ARHGAP31: variants seen among roughly 807,000 people sequenced by gnomAD.
The protein encoded by ARHGAP31 is Rho GTPase activating protein 31, also known as rho GTPase-activating protein 31.
In ARHGAP31, 34 loss-of-function variants were observed where a neutral mutation model predicts 113.9. The observed-to-expected ratio is 0.30, with a 90% CI of 0.23 to 0.40. The LOEUF (loss-of-function observed/expected upper bound fraction) is 0.40, where lower values mean the gene tolerates loss of function less well. Ranked by LOEUF, ARHGAP31 falls within the 10% of genes least tolerant of loss-of-function variation. The probability of loss-of-function intolerance (pLI) is 1.00; values close to 1 mark genes in which losing one functional copy is unlikely to be tolerated. For synonymous variants in ARHGAP31, 650 were observed against 684.8 expected (o/e 0.95, Z 0.79); for missense variants, 1,548 against 1,767.1 (o/e 0.88, Z 2.22).
chr3:119,318,114 A>G (rs954657933), intron 1 of ARHGAP31, among the ~76,000 whole-genome samples: 3 of 151,386 alleles, frequency 2.0e-5, no homozygotes, highest in Non-Finnish European at 2.9e-5. Context: ...AAAAAAAAAA[A>G]TTTTCATTAG....
chr3:119,356,622 C>T (rs1449092206), intron 1 of ARHGAP31, among the ~76,000 whole-genome samples: 1 of 150,090 alleles, frequency 6.7e-6, no homozygotes, highest in African/African-American at 2.5e-5. Context: ...CAGAGTAAGA[C>T]TCTGTCTCAA....
intron 1 of ARHGAP31, among the ~76,000 whole-genome samples, chr3:119,317,337 T>C (rs1487773338): frequency 6.6e-6 from 1 of 152,006 alleles, no homozygotes; most frequent in Non-Finnish European, 1.5e-5. Flanking sequence ...CACCACCATG[T>C]CCGGCTAATT....
At chr3:119,309,016 A>T (rs1331922249) in intron 1 of ARHGAP31, among the ~76,000 whole-genome samples, 1 of 151,886 alleles carries the variant, frequency 6.6e-6, no homozygotes, top group Non-Finnish European at 1.5e-5. Context: ...TAATTTCTGT[A>T]TTGTTTGTAG....
intron 11 of ARHGAP31, among the ~76,000 whole-genome samples, chr3:119,411,057 A>G (rs968699333): frequency 6.6e-6 from 1 of 152,202 alleles, no homozygotes; most frequent in African/African-American, 2.4e-5. Flanking sequence ...GGCAGAAAGA[A>G]TAAGATGTGC....
intron 4 of ARHGAP31, among the ~76,000 whole-genome samples, chr3:119,381,939 T>C (rs1338829639): frequency 1.4e-5 from 2 of 138,060 alleles, no homozygotes; most frequent in Non-Finnish European, 3.0e-5. Flanking sequence ...TGAGCTGAGA[T>C]CGCGCCACTG....
intron 1 of ARHGAP31, among the ~76,000 whole-genome samples, chr3:119,312,763 C>T (rs2079694016): frequency 1.3e-5 from 2 of 152,160 alleles, no homozygotes; most frequent in Admixed American, 6.5e-5. Context: ...GAAACTTGCT[C>T]TATCTGTGCT....
In ARHGAP31 at chr3:119,402,407, GGAGA is replaced by G; in HGVS notation, c.1645+14_1645+17del. ...GCTGAGACTTCTGCAGGTAAGTAGA[GGAGA>G]GAGGGTATCTTTCCGTTGCAAGAGA... On this transcript the variant is annotated intron_variant, in intron 10 of 11. Transcript: ENST00000264245. 2 of 1,611,188 alleles carry G rather than the reference GGAGA, an allele frequency of 1.2e-6. No homozygotes were observed. Among genetic ancestry groups the G allele is most frequent in the Non-Finnish European group, 1.7e-6 (2 of 1,178,342 alleles).
rs1458882345 is a variant in ARHGAP31 at position 119,294,690 on chromosome 3, G to T, written c.-215G>T. 5.1e-6 allele frequency: 3 copies of T among 592,618 alleles called. No homozygotes were observed. The highest frequency in any genetic ancestry group is 3.1e-5 in the Admixed American group (1 of 31,770). The allele number at this position is 592,618 out of a possible 1,614,324, so 36.7% of individuals were successfully genotyped here. ...CTGCCAGTCTGCACGGCCTCGGCACGGCGGCCCCGGAGCGGCGCGGGGTGG... is the reference window on the plus strand; with the variant it reads ...CTGCCAGTCTGCACGGCCTCGGCACTGCGGCCCCGGAGCGGCGCGGGGTGG... On this transcript the variant is annotated 5_prime_UTR_variant, in exon 1 of 12. Transcript: ENST00000264245.
At chr3:119,413,248 CAG>C (rs1174726398) in intron 11 of ARHGAP31, among the ~76,000 whole-genome samples, 1 of 143,258 alleles carries the variant, frequency 7.0e-6, no homozygotes, top group Non-Finnish European at 1.5e-5. Context: ...ACCCAGGAGA[CAG>C]GGGTTGCAGT....
intron 10 of ARHGAP31, among the ~76,000 whole-genome samples, chr3:119,405,526 C>T (rs148976849): frequency 5.1e-4 from 77 of 152,272 alleles, no homozygotes; most frequent in Non-Finnish European, 9.4e-4. Context: ...CTGCACACAT[C>T]GTTTCCACTG....
chr3:119,401,564 C>T (rs1043008889), intron 9 of ARHGAP31, among the ~76,000 whole-genome samples: 1 of 152,112 alleles, frequency 6.6e-6, no homozygotes, highest in Non-Finnish European at 1.5e-5. Flanking sequence ...AACTGCTCTA[C>T]CTGCAAAGTT....
At chr3:119,307,948 A>AAAAAAAAAAAAAAAAAAAAAAAAAG in intron 1 of ARHGAP31, among the ~76,000 whole-genome samples, 1 of 146,530 alleles carries the variant, frequency 6.8e-6, no homozygotes, top group Non-Finnish European at 1.5e-5. Flanking sequence ...AGCAAAAAAA[A>AAAAAAAAAAAAAAAAAAAAAAAAAG]AAAAAAAAAA....
intron 11 of ARHGAP31, among the ~76,000 whole-genome samples, chr3:119,411,286 G>A (rs1477682654): frequency 3.3e-5 from 5 of 152,138 alleles, no homozygotes; most frequent in Non-Finnish European, 7.4e-5. Context: ...CTTGAAGAAA[G>A]GAGGCACGAA....
intron 7 of ARHGAP31, among the ~76,000 whole-genome samples, chr3:119,391,389 AG>A (rs1263122773): frequency 2.0e-5 from 3 of 152,120 alleles, no homozygotes; most frequent in Non-Finnish European, 4.4e-5. Flanking sequence ...CGATACAAAA[AG>A]CATAGGGTTG....
intron 1 of ARHGAP31, among the ~76,000 whole-genome samples, chr3:119,332,635 TCACACACACACA>T (rs71156743): frequency 1.2e-3 from 101 of 85,678 alleles, no homozygotes; most frequent in African/African-American, 4.1e-3. Flanking sequence ...TCTCTCTCTC[TCACACACACACA>T]CACACACACA....
intron 1 of ARHGAP31, chr3:119,330,068 C>G: frequency 3.2e-6 from 3 of 937,406 alleles, no homozygotes; most frequent in Non-Finnish European, 3.8e-6. Flanking sequence ...TCCATTCAAT[C>G]GTCTGATTGT....
intron 7 of ARHGAP31, among the ~76,000 whole-genome samples, chr3:119,392,645 C>T (rs1052150645): frequency 6.6e-6 from 1 of 152,186 alleles, no homozygotes; most frequent in Non-Finnish European, 1.5e-5. Flanking sequence ...GCTGTCTCGA[C>T]GCAGCCTAGT....
chr3:119,297,236 T>A (rs568544733), intron 1 of ARHGAP31, among the ~76,000 whole-genome samples: 1 of 152,358 alleles, frequency 6.6e-6, no homozygotes, highest in South Asian at 2.1e-4. Flanking sequence ...ATGAACAAAG[T>A]CAGTGCTAAT....
Position 119,414,775 on chromosome 3 carries a change from T to C in ARHGAP31, c.2846T>C (p.Leu949Pro). 1 of 1,614,224 alleles carries C rather than the reference T, an allele frequency of 6.2e-7. No individual in the cohort carries two copies. ...LEKRLSHRPS[L>P]RQSHSLDSKP... Reference sequence around the variant, plus strand: ...AAGAGGCTTTCCCACAGGCCCAGCCTTCGCCAGAGCCATTCTCTAGATAGC... The same window carrying C: ...AAGAGGCTTTCCCACAGGCCCAGCCCTCGCCAGAGCCATTCTCTAGATAGC... Residue 949 changes from leucine (L) to proline (P), a missense_variant, in exon 12 of 12, where the codon CTT becomes CCT. Physicochemically the swap from Leu to Pro is moderately conservative, Grantham distance 98. Transcript: ENST00000264245.
Sources: allele counts gnomAD v4.1 joint callset (sites outside exome capture counted in the v4.1 genomes callset), GRCh38; gene constraint gnomAD v4.1.1; transcripts MANE v1.5; gene names NCBI Gene and HGNC (gene_info 2026-07-23, HGNC 2026-07-21).